The following COA1 variants were observed in gnomAD, a reference collection of about 807,000 sequenced individuals.
COA1 encodes the protein cytochrome c oxidase assembly factor 1.
COA1 carries 13 observed loss-of-function variants against 16.0 expected under a neutral mutation model. That is an observed-to-expected ratio of 0.81 (90% confidence interval 0.53 to 1.29). COA1 has a LOEUF of 1.29. Ranked by LOEUF, COA1 falls within the 50% of genes most tolerant of loss-of-function variation. COA1 has a pLI of 0.00. For synonymous variants in COA1, 65 were observed against 65.7 expected (o/e 0.99, Z 0.05); for missense variants, 179 against 177.0 (o/e 1.01, Z -0.06).
chr7:43,644,811 G>T (rs1197192585), intron 4 of COA1, among the ~76,000 whole-genome samples: 2 of 148,682 alleles, frequency 1.3e-5, no homozygotes, highest in South Asian at 2.2e-4. Context: ...GAGAGAGAGA[G>T]AGAGAGAGAG....
intron 6 of COA1, chr7:43,624,833 T>C (rs1021128612): frequency 2.5e-6 from 4 of 1,599,990 alleles, no homozygotes; most frequent in Non-Finnish European, 3.4e-6. Context: ...CAGGAGAATT[T>C]ATCTACTGAG....
At chr7:43,687,783 A>C (rs1030601916) in intron 1 of COA1, among the ~76,000 whole-genome samples, 3 of 152,198 alleles carry the variant, frequency 2.0e-5, no homozygotes, top group African/African-American at 7.2e-5. Context: ...ACCTAAAAAA[A>C]AAAAAAATTC....
rs1469472629 is a variant in COA1, at chr7:43,644,770, G to A, written c.264+481C>T. ...GATAGATAGATAGATAGGCAGGCAG[G>A]CAGGCAGGCAGGCAGGCAGGCAGAG... On this transcript the variant is annotated intron_variant, in intron 4 of 5. Transcript: ENST00000223336. Among the ~76,000 whole-genome samples the A allele has an allele frequency of 6.1e-3, 410 of 66,860 alleles. 3 individuals are homozygous for A. Among genetic ancestry groups the A allele is most frequent in the African/African-American group, 0.017 (368 of 21,442 alleles). The allele number at this position is 66,860 out of a possible 152,430, so 43.9% of individuals were successfully genotyped here.
At chr7:43,664,103 A>AAGAGAGAGAGAGAGAGAG (rs141990456) in intron 1 of COA1, among the ~76,000 whole-genome samples, 12,046 of 134,778 alleles carry the variant, frequency 0.089, 748 homozygotes, top group East Asian at 0.16. Context: ...TGTCTTTAGA[A>AAGAGAGAGAGAGAGAGAG]AGAGAGAGAG....
At chr7:43,709,433 ATT>A (rs2095131185) in intron 1 of COA1, among the ~76,000 whole-genome samples, 1 of 85,298 alleles carries the variant, frequency 1.2e-5, no homozygotes, top group African/African-American at 4.3e-5. Flanking sequence ...ACTTTGTTTT[ATT>A]GTGTGTGTGT....
intron 6 of COA1, chr7:43,619,630 T>C (rs765368328): frequency 6.2e-7 from 1 of 1,614,088 alleles, no homozygotes; most frequent in South Asian, 1.1e-5. Context: ...TGAATCTCCA[T>C]TGGGTGACAT....
chr7:43,719,684 G>C lies in COA1; in HGVS notation c.-39+9745C>G, dbSNP rs571382052. Among the ~76,000 whole-genome samples, 9 of 152,302 alleles carry C rather than the reference G, an allele frequency of 5.9e-5. No homozygotes were observed. The East Asian group carries it at 1.7e-3, about 29-fold the overall frequency. On this transcript the variant is annotated intron_variant, in intron 1 of 5. Transcript: ENST00000223336. ...GGAGTTGAAAAGTGACAAAGGGATG[G>C]ATGGCTTCCTGACTACTATGAAAAT... is the stretch of plus-strand genomic sequence containing the variant.
intron 1 of COA1, among the ~76,000 whole-genome samples, chr7:43,723,785 G>A (rs1349808665): frequency 6.6e-6 from 1 of 152,034 alleles, no homozygotes; most frequent in African/African-American, 2.4e-5. Context: ...AAATTAGCCC[G>A]GCGTGGTGGC....
intron 1 of COA1, among the ~76,000 whole-genome samples, chr7:43,677,974 A>C (rs1456558831): frequency 1.3e-5 from 2 of 152,154 alleles, no homozygotes; most frequent in African/African-American, 4.8e-5. Context: ...TCCCATGAAA[A>C]TTGCAACCAA....
At chr7:43,692,731 A>G (rs1431464331) in intron 1 of COA1, among the ~76,000 whole-genome samples, 1 of 150,236 alleles carries the variant, frequency 6.7e-6, no homozygotes. Context: ...CAGAAAAAAG[A>G]GTCATGAGTA....
chr7:43,673,567 T>C (rs898512929), intron 1 of COA1, among the ~76,000 whole-genome samples: 9 of 152,210 alleles, frequency 5.9e-5, no homozygotes, highest in Non-Finnish European at 1.2e-4. Flanking sequence ...AGTTCAGCCA[T>C]TGTGGAAAGC....
chr7:43,659,773 GC>G, intron 1 of COA1, among the ~76,000 whole-genome samples: 1 of 151,974 alleles, frequency 6.6e-6, no homozygotes, highest in South Asian at 2.1e-4. Context: ...GTTTTACATA[GC>G]CCCCCATTCT....
At chr7:43,623,964 T>G (rs191222286) in intron 6 of COA1, 1 of 1,098,538 alleles carries the variant, frequency 9.1e-7, no homozygotes, top group African/African-American at 1.6e-5. Context: ...ACTGACAGTT[T>G]TTTCTTGAAT....
At chr7:43,655,773 G>A (rs1487932136) in intron 1 of COA1, among the ~76,000 whole-genome samples, 2 of 152,108 alleles carry the variant, frequency 1.3e-5, no homozygotes, top group African/African-American at 4.8e-5. Flanking sequence ...TGTATGACTC[G>A]CTTCAACCAA....
intron 1 of COA1, among the ~76,000 whole-genome samples, chr7:43,671,624 G>A (rs1298625116): frequency 6.6e-6 from 1 of 152,174 alleles, no homozygotes; most frequent in East Asian, 1.9e-4. Flanking sequence ...TGCAGGCCAT[G>A]AGATAAATAT....
At chr7:43,659,989 G>A (rs1322770428) in intron 1 of COA1, among the ~76,000 whole-genome samples, 1 of 152,174 alleles carries the variant, frequency 6.6e-6, no homozygotes, top group African/African-American at 2.4e-5. Context: ...TAAGACAAAA[G>A]GAGAGGGTGG....
chr7:43,620,285 A>G (rs1051202530), intron 6 of COA1, among the ~76,000 whole-genome samples: 1 of 152,220 alleles, frequency 6.6e-6, no homozygotes, highest in African/African-American at 2.4e-5. Flanking sequence ...TAGACTGAGG[A>G]AAATTGGAGT....
At chr7:43,640,216 T>C (rs2086703011) in intron 5 of COA1, among the ~76,000 whole-genome samples, 1 of 152,246 alleles carries the variant, frequency 6.6e-6, no homozygotes, top group Admixed American at 6.5e-5. Context: ...ATGTGATGAA[T>C]AAATTCTGGA....
chr7:43,644,749 GATA>G (rs1563228269), intron 4 of COA1, among the ~76,000 whole-genome samples: 6 of 96,286 alleles, frequency 6.2e-5, no homozygotes, highest in Non-Finnish European at 1.1e-4. Context: ...TAGATAGATA[GATA>G]GATAGATAGG....
Sources: allele counts gnomAD v4.1 joint callset (sites outside exome capture counted in the v4.1 genomes callset), GRCh38; gene constraint gnomAD v4.1.1; transcripts MANE v1.5; gene names NCBI Gene and HGNC (gene_info 2026-07-23, HGNC 2026-07-21).